The following HTR4 variants were observed in gnomAD, a reference collection of about 807,000 sequenced individuals.
HTR4 encodes 5-hydroxytryptamine receptor 4, also known as 5-hydroxytryptamine (serotonin) receptor 4, G protein-coupled.
A neutral mutation model predicts 36.8 loss-of-function variants in HTR4; 16 were observed. The ratio of observed to expected loss-of-function variants is 0.43; its 90% CI spans 0.29 to 0.66. The LOEUF is 0.66. HTR4 is among the 30% of genes least tolerant of loss of function. The pLI, the probability that HTR4 is intolerant of heterozygous loss-of-function variation, is 0.13. For synonymous variants in HTR4, 189 were observed against 185.1 expected, an observed-to-expected ratio of 1.02 and a Z score of -0.17; for missense variants, 438 against 490.9, an observed-to-expected ratio of 0.89 and a Z score of 1.02.
At chr5:148,558,935 T>C (rs1274619087) in intron 2 of HTR4, among the ~76,000 whole-genome samples, 2 of 152,228 alleles carry the variant, frequency 1.3e-5, no homozygotes, top group African/African-American at 2.4e-5. Context: ...AGTAAACCCA[T>C]TGTAAGTTGA....
At chr5:148,537,307 C>T (rs1043176697) in intron 4 of HTR4, among the ~76,000 whole-genome samples, 6 of 151,934 alleles carry the variant, frequency 3.9e-5, no homozygotes, top group Admixed American at 1.3e-4. Context: ...AATGAACAAC[C>T]TGACATCACA....
At chr5:148,626,330 C>T (rs1753104201) in intron 2 of HTR4, among the ~76,000 whole-genome samples, 1 of 152,172 alleles carries the variant, frequency 6.6e-6, no homozygotes, top group South Asian at 2.1e-4. Flanking sequence ...TTATCCTCTA[C>T]TAAAGTACTA....
intron 2 of HTR4, among the ~76,000 whole-genome samples, chr5:148,576,546 A>G (rs1042377269): frequency 1.3e-5 from 2 of 152,110 alleles, no homozygotes; most frequent in Non-Finnish European, 2.9e-5. Flanking sequence ...AGCTGAAGGC[A>G]TCATGTTACC....
rs377757796 is a variant in HTR4, at chr5:148,620,891, T to C, written c.26+16098A>G. On this transcript the variant is annotated intron_variant, in intron 2 of 6. Transcript: ENST00000377888. ...TCAGACTAACCAAAAGGAAACCACA[T>C]TGAGACTCAACAGATGCTGTAACCA... 1.6e-4 allele frequency among the ~76,000 whole-genome samples: 24 copies of C among 152,278 alleles called. No homozygotes were observed. The South Asian group carries it at 3.7e-3, about 24-fold the overall frequency.
chr5:148,635,178 T>C (rs766557769), intron 2 of HTR4, among the ~76,000 whole-genome samples: 1 of 152,170 alleles, frequency 6.6e-6, no homozygotes, highest in Non-Finnish European at 1.5e-5. Context: ...AAAATAAACA[T>C]TTGATTTTAA....
intron 5 of HTR4, chr5:148,465,880 T>C: frequency 6.2e-7 from 1 of 1,613,316 alleles, no homozygotes; most frequent in Non-Finnish European, 8.5e-7. Context: ...CAGGAACTGG[T>C]CTATTGCAGA....
downstream of HTR4, among the ~76,000 whole-genome samples, chr5:148,480,324 G>A (rs1326937104): frequency 6.6e-6 from 1 of 152,162 alleles, no homozygotes; most frequent in Non-Finnish European, 1.5e-5. Context: ...ATTAGGATGG[G>A]TGGATTTGGA....
chr5:148,558,782 C>G (rs758094992), intron 2 of HTR4, among the ~76,000 whole-genome samples: 1 of 152,136 alleles, frequency 6.6e-6, no homozygotes, highest in Non-Finnish European at 1.5e-5. Context: ...GCATTCTGGT[C>G]TCTCTCCCTA....
chr5:148,527,600 C>T (rs1383069769), intron 4 of HTR4, among the ~76,000 whole-genome samples: 1 of 152,118 alleles, frequency 6.6e-6, no homozygotes, highest in African/African-American at 2.4e-5. Flanking sequence ...GAATGTAGTA[C>T]ACATTTTACC....
At chr5:148,458,092 A>AAATAGATATTTAATATATC in intron 5 of HTR4, among the ~76,000 whole-genome samples, 1 of 53,438 alleles carries the variant, frequency 1.9e-5, no homozygotes, top group Admixed American at 1.7e-4. Context: ...AAAATATATT[A>AAATAGATATTTAATATATC]TATTTTAATA....
chr5:148,549,123 C>G (rs995175675), intron 3 of HTR4, among the ~76,000 whole-genome samples: 5 of 152,168 alleles, frequency 3.3e-5, no homozygotes, highest in Non-Finnish European at 5.9e-5. Context: ...TATACCAAAA[C>G]CTCTTTTTTC....
chr5:148,590,888 T>C (rs1761538132), intron 2 of HTR4, among the ~76,000 whole-genome samples: 1 of 152,164 alleles, frequency 6.6e-6, no homozygotes, highest in South Asian at 2.1e-4. Flanking sequence ...GGGGTCTTTG[T>C]CATGAAATCT....
At chr5:148,564,240 C>T (rs1172911088) in intron 2 of HTR4, among the ~76,000 whole-genome samples, 1 of 152,176 alleles carries the variant, frequency 6.6e-6, no homozygotes, top group Non-Finnish European at 1.5e-5. Flanking sequence ...TGTTAAACTC[C>T]TTCCTCTCCT....
At chr5:148,623,424 G>A (rs577294396) in intron 2 of HTR4, among the ~76,000 whole-genome samples, 28 of 152,106 alleles carry the variant, frequency 1.8e-4, no homozygotes, top group Non-Finnish European at 3.5e-4. Flanking sequence ...TGAAATACTC[G>A]GATGTTTAAC....
chr5:148,604,604 A>C (rs1752065442), intron 2 of HTR4, among the ~76,000 whole-genome samples: 1 of 152,198 alleles, frequency 6.6e-6, no homozygotes, highest in African/African-American at 2.4e-5. Context: ...AAACAATTCA[A>C]AGGTCCACTA....
At position 148,509,986 on chromosome 5, in the gene HTR4, C is replaced by T. The variant is rs144962342; in HGVS notation, c.546G>A (p.Thr182=). Residue 182 remains threonine (T), a synonymous_variant, in exon 6 of 7, where the codon ACG becomes ACA. Coordinates refer to ENST00000377888, the MANE Select transcript of HTR4 (RefSeq NM_000870.7). ...GCTTGTTGACCATGAAGACACAGTA[C>T]GTAGAGTTAGAGTTCTGGTTGAACT... The part of the protein sequence containing the change: ...KRKFNQNSNS[T]YCVFMVNKPY... The T allele has an allele frequency of 2.7e-5, 44 of 1,613,230 alleles. 1 individual carries two copies. The Middle Eastern group carries it at 6.6e-4, about 24-fold the overall frequency.
intron 4 of HTR4, among the ~76,000 whole-genome samples, chr5:148,536,713 A>T (rs1758841106): frequency 6.6e-6 from 1 of 152,224 alleles, no homozygotes; most frequent in Non-Finnish European, 1.5e-5. Flanking sequence ...TATGCACTCA[A>T]CACAGAAGCA....
intron 5 of HTR4, among the ~76,000 whole-genome samples, chr5:148,512,883 A>G (rs1004611476): frequency 6.6e-6 from 1 of 152,168 alleles, no homozygotes; most frequent in Non-Finnish European, 1.5e-5. Context: ...GTGAGCTAAG[A>G]TCACGCCACT....
At chr5:148,604,422 T>TA (rs151065935) in intron 2 of HTR4, among the ~76,000 whole-genome samples, 1 of 152,312 alleles carries the variant, frequency 6.6e-6, no homozygotes, top group Non-Finnish European at 1.5e-5. Flanking sequence ...TTAGATCTCT[T>TA]ATACTGTTGC....
Sources: allele counts gnomAD v4.1 joint callset (sites outside exome capture counted in the v4.1 genomes callset), GRCh38; gene constraint gnomAD v4.1.1; transcripts MANE v1.5; gene names NCBI Gene and HGNC (gene_info 2026-07-23, HGNC 2026-07-21).